The following A2M variants were observed in gnomAD, a reference collection of about 807,000 sequenced individuals.
A2M encodes alpha-2-macroglobulin.
Under a neutral mutation model 183.9 loss-of-function variants are expected in A2M, and 128 were observed. The ratio of observed to expected loss-of-function variants is 0.70; its 90% CI spans 0.60 to 0.81. The LOEUF is 0.81. Among genes scored for constraint, A2M ranks in the 30% least tolerant of loss-of-function variants. The pLI, the probability that A2M is intolerant of heterozygous loss-of-function variation, is 0.00. For missense variants in A2M, 1,495 were observed against 1,787.6 expected, an observed-to-expected ratio of 0.84 and a Z score of 2.95; for synonymous variants, 592 against 670.8, an observed-to-expected ratio of 0.88 and a Z score of 1.81.
intron 13 of A2M, 118 bp from the exon 14 acceptor site, chr12:9,099,641 C>A: frequency 8.0e-7 from 1 of 1,251,856 alleles, no homozygotes; most frequent in East Asian, 2.6e-5. Flanking sequence ...TCTAAGGACT[C>A]TAGCTTTAGA....
rs749627244 is a variant in A2M, at chr12:9,109,956, G to C, written c.584C>G (p.Ser195Ter). 1 of 1,613,928 alleles carries C rather than the reference G, an allele frequency of 6.2e-7. No homozygotes were observed. Among genetic ancestry groups the C allele is most frequent in the Non-Finnish European group, 8.5e-7 (1 of 1,179,840 alleles). ...GGLKQFSFPLSSEPFQGSYKV... is the reference protein window; with the variant it reads ...GGLKQFSFPL ...GTAGGAGCCCTGGAAGGGCTCTGAT[G>C]AGAGGGGAAAAGAAAATTGCTTGAG... is the stretch of plus-strand genomic sequence containing the variant. Residue 195 changes from serine to a stop codon, truncating the protein, a stop_gained, in exon 6 of 36, where the codon TCA (serine) becomes TGA (stop). Coordinates refer to ENST00000318602, the MANE Select transcript of A2M (RefSeq NM_000014.6). LOFTEE classifies it high-confidence loss of function.
intron 7 of A2M, 47 bp downstream of exon 7, chr12:9,109,274 C>T: frequency 6.8e-7 from 1 of 1,468,884 alleles, no homozygotes; most frequent in Non-Finnish European, 9.5e-7. Context: ...AATGGTGAGT[C>T]TCTTTTAAAT....
Position 9,110,071 on chromosome 12 carries a change from C to A in A2M, c.505-36G>T, listed in dbSNP as rs376855298. 3.3e-5 allele frequency: 52 copies of A among 1,577,518 alleles called. No individual in the cohort carries two copies. The African/African-American group carries it at 6.4e-4, about 19-fold the overall frequency. On this transcript the variant is annotated intron_variant, in intron 5 of 35. Transcript: ENST00000318602. ...AAATTAATTATAACTTACAAAAGCA[C>A]CTGGAGCATTGGAGCTAATAAAAGA...
intron 29 of A2M, among the ~76,000 whole-genome samples, chr12:9,073,080 A>G (rs749536132): frequency 4.6e-5 from 7 of 152,128 alleles, no homozygotes; most frequent in Admixed American, 3.3e-4. Context: ...TATGCCCTAC[A>G]TGTTTATTTT....
rs1402887141 is a variant in A2M, at chr12:9,106,491, C to G, written c.994G>C (p.Val332Leu). Residue 332 changes from valine to leucine, a missense_variant and splice_region_variant, in exon 9 of 36, where the codon GTG (valine) becomes CTG (leucine). Transcript: ENST00000318602. ...TEAQIQEEGT[V>L]VELTGRQSSE... ...TCTTATACCCATGTAGTACACAAACCTGTTCCTTCTTCTTGGATCTGGGCC... is the reference window on the plus strand; with the variant it reads ...TCTTATACCCATGTAGTACACAAACGTGTTCCTTCTTCTTGGATCTGGGCC... The G allele has an allele frequency of 5.1e-6, 8 of 1,580,788 alleles. No individual in the cohort carries two copies. The highest frequency in any genetic ancestry group is 6.9e-6 in the Non-Finnish European group (8 of 1,156,208).
chr12:9,097,356 T>TAG (rs1378521427), intron 15 of A2M, among the ~76,000 whole-genome samples: 2 of 152,146 alleles, frequency 1.3e-5, no homozygotes, highest in African/African-American at 4.8e-5. Flanking sequence ...TAGAAAAAGC[T>TAG]TCAGTAAGAG....
chr12:9,113,992 C>T (rs1241954681), intron 1 of A2M, among the ~76,000 whole-genome samples: 1 of 152,158 alleles, frequency 6.6e-6, no homozygotes, highest in Non-Finnish European at 1.5e-5. Context: ...ACACATTCAG[C>T]AGCCCTGTGA....
chr12:9,109,216 A>C (rs1938537362), intron 7 of A2M, 105 bp downstream of exon 7: 2 of 814,598 alleles, frequency 2.5e-6, no homozygotes, highest in East Asian at 5.3e-5. Flanking sequence ...AAGCACTTAA[A>C]ATTTTTGTGT....
rs763257559 is a variant in A2M at position 9,112,161 on chromosome 12, A to G, written c.481T>C (p.Leu161=). ...MDENFHPLNE[L]IPLVYIQDPK... ...TATGTAGATAATAGAAAACTCACCA[A>G]CTCATTCAGGGGGTGAAAGTTTTCA... Residue 161 remains leucine, a splice_region_variant and synonymous_variant, in exon 4 of 36, where the codon TTG becomes CTG. Coordinates refer to ENST00000318602, the MANE Select transcript of A2M (RefSeq NM_000014.6). 3.7e-6 allele frequency: 6 copies of G among 1,613,596 alleles called. No homozygotes were observed. The highest frequency in any genetic ancestry group is 5.1e-6 in the Non-Finnish European group (6 of 1,179,626).
At chr12:9,093,029 T>G (rs1007094485) in intron 18 of A2M, among the ~76,000 whole-genome samples, 4 of 152,180 alleles carry the variant, frequency 2.6e-5, no homozygotes, top group Non-Finnish European at 5.9e-5. Flanking sequence ...TGATCTTACT[T>G]GTATGTGGAT....
intron 22 of A2M, among the ~76,000 whole-genome samples, chr12:9,087,748 T>A (rs974377539): frequency 1.3e-5 from 2 of 152,114 alleles, no homozygotes; most frequent in Non-Finnish European, 2.9e-5. Context: ...GTATGCTGTA[T>A]ATATATACAA....
chr12:9,100,116 T>G (rs1189262089), intron 13 of A2M, among the ~76,000 whole-genome samples: 1 of 152,204 alleles, frequency 6.6e-6, no homozygotes, highest in Non-Finnish European at 1.5e-5. Flanking sequence ...CTTCAAAGGT[T>G]TATATTATGA....
chr12:9,077,836 C>T lies in A2M; in HGVS notation c.3141G>A (p.Lys1047=). Residue 1047 remains lysine (K), a synonymous_variant, in exon 26 of 36, where the codon AAG becomes AAA. Coordinates refer to ENST00000318602, the MANE Select transcript of A2M (RefSeq NM_000014.6). Reference sequence around the variant, plus strand: ...TGTAGGCTCGAGCTTGGGCAAAAGTCTTCAGAACAAAGGCTGTGAGCCTGA... The same window carrying T: ...TGTAGGCTCGAGCTTGGGCAAAAGTTTTCAGAACAAAGGCTGTGAGCCTGA... ...GNTWLTAFVL[K]TFAQARAYIF... The T allele has an allele frequency of 6.2e-7, 1 of 1,614,104 alleles. No individual in the cohort carries two copies.
At chr12:9,085,422 A>G (rs115061882) in intron 22 of A2M, among the ~76,000 whole-genome samples, 131 of 152,266 alleles carry the variant, frequency 8.6e-4, no homozygotes, top group African/African-American at 3.0e-3. Context: ...CCAATGGGTC[A>G]ATAAAGAAAT....
At position 9,076,929 on chromosome 12, in the gene A2M, A is replaced by T. The variant is rs1948765099; in HGVS notation, c.3359T>A (p.Val1120Asp). The change falls in exon 28 of 36, where the codon GTT becomes GAT. Residue 1120 changes from valine to aspartate, a missense_variant. By Grantham distance (152) the Val-to-Asp change is radical (BLOSUM62 -3). Transcript: ENST00000318602. ...LEIPLTVTHP[V>D]VRNALFCLES... ...CAGGCAAAACAGGGCATTGCGGACA[A>T]CAGGGTGCTGTGAAGGCAGAACAAG... is the stretch of plus-strand genomic sequence containing the variant. 6.3e-7 allele frequency: 1 copy of T among 1,590,634 alleles called. No individual in the cohort carries two copies. Among genetic ancestry groups the T allele is most frequent in the African/African-American group, 1.3e-5 (1 of 74,330 alleles).
At chr12:9,087,470 G>T (rs1018827302) in intron 22 of A2M, among the ~76,000 whole-genome samples, 1 of 152,108 alleles carries the variant, frequency 6.6e-6, no homozygotes, top group Admixed American at 6.5e-5. Flanking sequence ...AAATTCACAG[G>T]AGCAGAGAGT....
intron 22 of A2M, among the ~76,000 whole-genome samples, chr12:9,082,582 A>C (rs1018105968): frequency 5.3e-5 from 8 of 152,232 alleles, no homozygotes; most frequent in Non-Finnish European, 1.0e-4. Flanking sequence ...GAATACCTAT[A>C]AAAACCAGAA....
intron 25 of A2M, 81 bp from the exon 26 acceptor site, chr12:9,077,938 A>C: frequency 1.3e-6 from 2 of 1,548,184 alleles, no homozygotes; most frequent in Non-Finnish European, 1.8e-6. Flanking sequence ...GCTTCATATG[A>C]TGTGAGTTAG....
intron 19 of A2M, among the ~76,000 whole-genome samples, 185 bp downstream of exon 19, chr12:9,091,015 TA>T (rs1949194302): frequency 6.6e-6 from 1 of 152,256 alleles, no homozygotes; most frequent in East Asian, 1.9e-4. Context: ...TTTGAAGGGT[TA>T]TAAGGGCTAG....
Sources: allele counts gnomAD v4.1 joint callset (sites outside exome capture counted in the v4.1 genomes callset), GRCh38; gene constraint gnomAD v4.1.1; transcripts MANE v1.5; gene names NCBI Gene and HGNC (gene_info 2026-07-23, HGNC 2026-07-21).